Variants in MYLK observed in about 807,000 individuals in gnomAD.
The protein encoded by MYLK is myosin light chain kinase, smooth muscle.
A neutral mutation model predicts 203.4 loss-of-function variants in MYLK; 106 were observed. The ratio of observed to expected loss-of-function variants is 0.52; its 90% CI spans 0.45 to 0.61. MYLK has a LOEUF of 0.61. Among genes scored for constraint, MYLK ranks in the 20% least tolerant of loss-of-function variants. The pLI, the probability that MYLK is intolerant of heterozygous loss-of-function variation, is 0.00. For missense variants in MYLK, 2,072 were observed against 2,442.3 expected (o/e 0.85, Z 3.20); for synonymous variants, 867 against 959.5 (o/e 0.90, Z 1.78).
intron 4 of MYLK, among the ~76,000 whole-genome samples, chr3:123,783,810 G>C (rs1339520154): frequency 6.6e-6 from 1 of 151,804 alleles, no homozygotes; most frequent in Non-Finnish European, 1.5e-5. Flanking sequence ...ATTTTGCTCT[G>C]TGTCTATTTC....
At chr3:123,761,852 C>G (rs563590242) in intron 4 of MYLK, among the ~76,000 whole-genome samples, 1 of 152,152 alleles carries the variant, frequency 6.6e-6, no homozygotes, top group South Asian at 2.1e-4. Flanking sequence ...ATGGTGAAAC[C>G]TCGTCTCTAC....
Position 123,707,942 on chromosome 3 carries a change from C to T in MYLK, c.2202G>A (p.Leu734=), listed in dbSNP as rs1560108452. The T allele has an allele frequency of 1.2e-6, 2 of 1,614,126 alleles. No individual in the cohort carries two copies. Among genetic ancestry groups the T allele is most frequent in the South Asian group, 2.2e-5 (2 of 91,048 alleles). ...ISKPRSVTAS[L]GQSVLISCAI... The stretch of plus-strand genomic sequence containing the variant: ...CGCAGGAGATGAGGACACTCTGGCC[C>T]AGGGAGGCTGTCACTGAGCGAGGCT... Residue 734 remains leucine, a synonymous_variant, in exon 16 of 34, where the codon CTG becomes CTA. Coordinates refer to ENST00000360304, the MANE Select transcript of MYLK (RefSeq NM_053025.4).
intron 20 of MYLK, among the ~76,000 whole-genome samples, chr3:123,671,897 C>T (rs1406720813): frequency 1.3e-5 from 2 of 152,002 alleles, no homozygotes; most frequent in Non-Finnish European, 2.9e-5. Context: ...TTGTCCAGGA[C>T]TGTTGGGAAG....
At chr3:123,722,510 G>A (rs1225911235) in intron 12 of MYLK, among the ~76,000 whole-genome samples, 2 of 152,230 alleles carry the variant, frequency 1.3e-5, no homozygotes, top group African/African-American at 2.4e-5. Flanking sequence ...TAATTGTGTG[G>A]TGGAGGAGGA....
intron 3 of MYLK, among the ~76,000 whole-genome samples, chr3:123,815,680 G>A (rs2065725417): frequency 6.6e-6 from 1 of 152,094 alleles, no homozygotes; most frequent in Non-Finnish European, 1.5e-5. Context: ...ATCACATCGT[G>A]CCCACCAACC....
intron 3 of MYLK, among the ~76,000 whole-genome samples, chr3:123,829,183 G>A (rs1041174754): frequency 1.8e-4 from 28 of 152,032 alleles, no homozygotes; most frequent in African/African-American, 6.8e-4. Context: ...CAAGAAATGG[G>A]ATCAATGTAG....
At chr3:123,743,250 A>C (rs2108836125) in intron 5 of MYLK, among the ~76,000 whole-genome samples, 2 of 152,310 alleles carry the variant, frequency 1.3e-5, no homozygotes, top group South Asian at 2.1e-4. Flanking sequence ...TAAAAGCAAA[A>C]ACATGGCACT....
rs187428904 is a variant in MYLK, at chr3:123,783,855, C to A, written c.165+9822G>T. ...GAATTTAGACAGCACTTAGTGGAGTCCCACAGGAGTGATGAGAAATTTCTC... is the reference window on the plus strand; with the variant it reads ...GAATTTAGACAGCACTTAGTGGAGTACCACAGGAGTGATGAGAAATTTCTC... On this transcript the variant is annotated intron_variant, in intron 4 of 33. Coordinates refer to ENST00000360304, the MANE Select transcript of MYLK (RefSeq NM_053025.4). Among the ~76,000 whole-genome samples, 16 of 152,284 alleles carry A rather than the reference C, an allele frequency of 1.1e-4. No individual in the cohort carries two copies. In the East Asian group the frequency reaches 2.9e-3, roughly 27 times the overall value.
Position 123,700,204 on chromosome 3 carries a change from T to C in MYLK, c.3264A>G (p.Glu1088=). 1.9e-6 allele frequency: 3 copies of C among 1,613,942 alleles called. No individual in the cohort carries two copies. The highest frequency in any genetic ancestry group is 2.5e-6 in the Non-Finnish European group (3 of 1,179,998). Reference sequence around the variant, plus strand: ...CTGTCCCCTGGCTCTCTGATCTCTTTTCATTATCTGTGGTCCCTGCATGGC... The same window carrying C: ...CTGTCCCCTGGCTCTCTGATCTCTTCTCATTATCTGTGGTCCCTGCATGGC... The part of the protein sequence containing the change: ...KRGHAGTTDN[E]KRSESQGTAP... Residue 1088 remains glutamate (E), a synonymous_variant, in exon 18 of 34, where the codon GAA becomes GAG. Coordinates refer to ENST00000360304, the MANE Select transcript of MYLK (RefSeq NM_053025.4).
chr3:123,616,660 G>A (rs2057512485), intron 33 of MYLK: 1 of 152,134 alleles, frequency 6.6e-6, no homozygotes, highest in South Asian at 2.1e-4. Context: ...GGGTCATGGA[G>A]GCCGATCCCT....
At chr3:123,813,971 G>A (rs1042995087) in intron 3 of MYLK, 1 of 155,966 alleles carries the variant, frequency 6.4e-6, no homozygotes, top group Non-Finnish European at 1.4e-5. Context: ...CTCATGCTGG[G>A]ACTATTCAGG....
At position 123,739,070 on chromosome 3, in the gene MYLK, G is replaced by C. The variant is rs751696363; in HGVS notation, c.423-8C>G. 9.3e-6 allele frequency: 15 copies of C among 1,613,362 alleles called. No homozygotes were observed. In the African/African-American group the frequency reaches 1.5e-4, roughly 16 times the overall value. ...GGAGCTGAAAATCTATCCCTGTAAG[G>C]AAATTGGCAGAGAATCCAGTCCCAG... On this transcript the variant is annotated splice_polypyrimidine_tract_variant and splice_region_variant and intron_variant, in intron 6 of 33. Coordinates refer to ENST00000360304, the MANE Select transcript of MYLK (RefSeq NM_053025.4).
At chr3:123,753,155 C>T (rs2063256469) in intron 4 of MYLK, among the ~76,000 whole-genome samples, 1 of 152,160 alleles carries the variant, frequency 6.6e-6, no homozygotes. Flanking sequence ...GACTGAGTTG[C>T]ACTGTAAGTG....
At chr3:123,820,653 T>G (rs2065900187) in intron 3 of MYLK, among the ~76,000 whole-genome samples, 1 of 148,856 alleles carries the variant, frequency 6.7e-6, no homozygotes, top group Non-Finnish European at 1.5e-5. Context: ...CCTCCTTCCT[T>G]CCTTCCTTCC....
At chr3:123,796,011 TC>T (rs2064973156) in intron 3 of MYLK, among the ~76,000 whole-genome samples, 1 of 152,126 alleles carries the variant, frequency 6.6e-6, no homozygotes, top group Admixed American at 6.6e-5. Context: ...ATAGGGCACA[TC>T]CCCTGCTTGA....
chr3:123,731,703 T>C (rs543965876), intron 11 of MYLK, among the ~76,000 whole-genome samples: 12 of 152,200 alleles, frequency 7.9e-5, no homozygotes, highest in African/African-American at 2.9e-4. Context: ...AAACATGAAT[T>C]ATTTCTAAGT....
At position 123,618,211 on chromosome 3, in the gene MYLK, G is replaced by A. The variant is rs181120611; in HGVS notation, c.5500+428C>T. 17 of 245,400 alleles carry A rather than the reference G, an allele frequency of 6.9e-5. No homozygotes were observed. The East Asian group carries it at 1.6e-3, about 23-fold the overall frequency. The allele number at this position is 245,400 out of a possible 1,614,324, so 15.2% of individuals were successfully genotyped here. A position where few individuals can be genotyped will look rare whatever the true frequency, so the allele number is the denominator to read the frequency against. On this transcript the variant is annotated intron_variant, in intron 33 of 33. Coordinates refer to ENST00000360304, the MANE Select transcript of MYLK (RefSeq NM_053025.4). ...ACCACCATCCAAGGTCACACAGCCT[G>A]TGGACGAGTAGCAGAGCCTGCCGAT... is the stretch of plus-strand genomic sequence containing the variant.
chr3:123,635,739 A>G (rs902657594), intron 29 of MYLK, among the ~76,000 whole-genome samples: 1 of 152,246 alleles, frequency 6.6e-6, no homozygotes, highest in African/African-American at 2.4e-5. Flanking sequence ...TGACCCAATT[A>G]TTCTAGTTCT....
In MYLK at chr3:123,709,743, T is replaced by C; in HGVS notation, c.1942+13A>G. 6.2e-7 allele frequency: 1 copy of C among 1,613,402 alleles called. No individual in the cohort carries two copies. Among genetic ancestry groups the C allele is most frequent in the Non-Finnish European group, 8.5e-7 (1 of 1,179,854 alleles). On this transcript the variant is annotated intron_variant, in intron 14 of 33. Coordinates refer to ENST00000360304, the MANE Select transcript of MYLK (RefSeq NM_053025.4). ...TTCATGTTAATCCCCAAGAGAGAGC[T>C]GCAGAGACAGACCTGACACTTGGAC...
Sources: gnomAD v4.1 joint callset for allele counts (sites outside exome capture counted in the v4.1 genomes callset) on GRCh38, gnomAD v4.1.1 for gene constraint, MANE v1.5 for transcripts, NCBI Gene and HGNC (gene_info 2026-07-23, HGNC 2026-07-21) for gene names.